IPCEF1: variants seen among roughly 807,000 people sequenced by gnomAD.
IPCEF1 encodes the protein interaction protein for cytohesin exchange factors 1.
Under a neutral mutation model 50.9 loss-of-function variants are expected in IPCEF1, and 31 were observed. That is an observed-to-expected ratio of 0.61 (90% CI 0.46 to 0.82). IPCEF1 has a LOEUF of 0.82. IPCEF1 is among the 40% of genes least tolerant of loss of function. The pLI, the probability that IPCEF1 is intolerant of heterozygous loss-of-function variation, is 0.00. For synonymous variants in IPCEF1, 181 were observed against 192.0 expected, an observed-to-expected ratio of 0.94 and a Z score of 0.47; for missense variants, 458 against 514.0, an observed-to-expected ratio of 0.89 and a Z score of 1.05.
chr6:154,161,171 A>T (rs989705997), intron 11 of IPCEF1, among the ~76,000 whole-genome samples: 6 of 150,452 alleles, frequency 4.0e-5, no homozygotes, highest in African/African-American at 1.5e-4. Context: ...TTTACACAGA[A>T]CACTTTCCAG....
chr6:154,239,029 CTGTGAG>C (rs1322442317), intron 5 of IPCEF1, among the ~76,000 whole-genome samples: 1 of 152,056 alleles, frequency 6.6e-6, no homozygotes, highest in East Asian at 1.9e-4. Context: ...CATTTCACTG[CTGTGAG>C]CTAAGAAGAC....
intron 3 of IPCEF1, among the ~76,000 whole-genome samples, chr6:154,253,529 T>A (rs972633066): frequency 4.6e-5 from 7 of 152,248 alleles, no homozygotes; most frequent in African/African-American, 1.7e-4. Flanking sequence ...TACCTATTGA[T>A]GCACATTGAA....
intron 1 of IPCEF1, among the ~76,000 whole-genome samples, chr6:154,347,300 C>A (rs1784049493): frequency 6.6e-6 from 1 of 152,192 alleles, no homozygotes; most frequent in Admixed American, 6.5e-5. Flanking sequence ...GGCTCAAATT[C>A]TGACCCCAGA....
chr6:154,314,319 C>G (rs1783159820), intron 1 of IPCEF1, among the ~76,000 whole-genome samples: 1 of 152,090 alleles, frequency 6.6e-6, no homozygotes, highest in South Asian at 2.1e-4. Context: ...CACTATGGCT[C>G]TGTGCCCAGT....
intron 11 of IPCEF1, among the ~76,000 whole-genome samples, chr6:154,164,976 G>C (rs1799311913): frequency 6.6e-6 from 1 of 152,112 alleles, no homozygotes; most frequent in Non-Finnish European, 1.5e-5. Flanking sequence ...TACTATCCCA[G>C]TGCAGGGATT....
chr6:154,298,079 A>G (rs754450365), intron 1 of IPCEF1, among the ~76,000 whole-genome samples: 36 of 152,238 alleles, frequency 2.4e-4, no homozygotes, highest in Non-Finnish European at 5.3e-4. Flanking sequence ...GGTCAGGAAC[A>G]CTTTTGAGGT....
At chr6:154,191,011 G>A (rs774627052) in intron 10 of IPCEF1, among the ~76,000 whole-genome samples, 18 of 152,000 alleles carry the variant, frequency 1.2e-4, no homozygotes, top group Non-Finnish European at 2.4e-4. Flanking sequence ...AGCCGAGATC[G>A]CGCCACTGCA....
In IPCEF1 at chr6:154,157,562, T is replaced by G. The variant is rs1407254331; in HGVS notation, c.*2266A>C. The stretch of plus-strand genomic sequence containing the variant: ...CAATGGTACTAAAGGAGTTTACAGT[T>G]GAAAGGCTGGGGAAATATGTCTTCA... On this transcript the variant is annotated 3_prime_UTR_variant, in exon 12 of 12. Coordinates refer to ENST00000367220, the MANE Select transcript of IPCEF1 (RefSeq NM_001130700.2). 6.6e-6 allele frequency: 1 copy of G among 152,190 alleles called. No homozygotes were observed. The highest frequency in any genetic ancestry group is 1.5e-5 in the Non-Finnish European group (1 of 68,034). The allele number at this position is 152,190 out of a possible 1,614,324, so 9.4% of individuals were successfully genotyped here. A position where few individuals can be genotyped will look rare whatever the true frequency, so the allele number is the denominator to read the frequency against.
At chr6:154,325,494 T>C (rs1783497221) in intron 1 of IPCEF1, among the ~76,000 whole-genome samples, 1 of 152,206 alleles carries the variant, frequency 6.6e-6, no homozygotes, top group Admixed American at 6.5e-5. Flanking sequence ...TGTATATCTG[T>C]ACTGTCTTTC....
chr6:154,323,546 C>T (rs79147171), intron 1 of IPCEF1, among the ~76,000 whole-genome samples: 1 of 113,892 alleles, frequency 8.8e-6, no homozygotes, highest in African/African-American at 3.7e-5. Flanking sequence ...GATATTTACA[C>T]ATAAATATTT....
At chr6:154,323,719 G>A (rs1321841516) in intron 1 of IPCEF1, among the ~76,000 whole-genome samples, 1 of 152,104 alleles carries the variant, frequency 6.6e-6, no homozygotes, top group East Asian at 1.9e-4. Context: ...TTGGGAGGCC[G>A]AGGTGGGCAG....
At chr6:154,352,194 C>T (rs577674608) in intron 1 of IPCEF1, among the ~76,000 whole-genome samples, 35 of 151,948 alleles carry the variant, frequency 2.3e-4, no homozygotes, top group African/African-American at 8.2e-4. Flanking sequence ...TAAATGTAAA[C>T]TAAAAGGTAA....
At chr6:154,351,069 G>T (rs1029882598) in intron 1 of IPCEF1, among the ~76,000 whole-genome samples, 51 of 152,304 alleles carry the variant, frequency 3.3e-4, no homozygotes, top group African/African-American at 1.2e-3. Context: ...ACTCAAGCGT[G>T]GAGAAGTTAA....
chr6:154,249,001 A>C (rs933565979), intron 3 of IPCEF1, among the ~76,000 whole-genome samples: 26 of 152,190 alleles, frequency 1.7e-4, no homozygotes, highest in Non-Finnish European at 1.6e-4. Flanking sequence ...TTTCCTGGGA[A>C]ATATAGATCC....
At chr6:154,292,523 T>A (rs1425698773) in intron 1 of IPCEF1, among the ~76,000 whole-genome samples, 1 of 152,202 alleles carries the variant, frequency 6.6e-6, no homozygotes, top group Non-Finnish European at 1.5e-5. Flanking sequence ...AACCAGCAAG[T>A]CTAGCTCAGT....
At position 154,247,468 on chromosome 6, in the gene IPCEF1, C is replaced by T. The variant is rs767834599; in HGVS notation, c.57G>A (p.Lys19=). 9 of 1,612,164 alleles carry T rather than the reference C, an allele frequency of 5.6e-6. No homozygotes were observed. Among genetic ancestry groups the T allele is most frequent in the Non-Finnish European group, 2.5e-6 (3 of 1,178,684 alleles). Residue 19 remains lysine (K), a synonymous_variant, in exon 4 of 12, where the codon AAG becomes AAA. Transcript: ENST00000367220. The stretch of plus-strand genomic sequence containing the variant: ...AATTACCTTGAGTTTTCCTCCTGGG[C>T]TTCTGACGCAAGGGAACCTGCTGAA... ...GSALQVPLRQ[K]PRRKTQGFLT...
At chr6:154,271,381 G>T (rs1198680893) in intron 2 of IPCEF1, among the ~76,000 whole-genome samples, 2 of 151,330 alleles carry the variant, frequency 1.3e-5, no homozygotes, top group Non-Finnish European at 2.9e-5. Context: ...TCATATAATA[G>T]GATAAAAATC....
intron 1 of IPCEF1, among the ~76,000 whole-genome samples, chr6:154,313,013 G>T (rs991916841): frequency 7.2e-6 from 1 of 139,174 alleles, no homozygotes; most frequent in Non-Finnish European, 1.5e-5. Context: ...GGAAGGGAAG[G>T]TTGCAGTGAG....
rs906597493 is a variant in IPCEF1 at position 154,246,068 on chromosome 6, A to G, written c.246+523T>C. 1.4e-4 allele frequency among the ~76,000 whole-genome samples: 21 copies of G among 152,296 alleles called. 3 individuals are homozygous for G. Among genetic ancestry groups the G allele is most frequent in the Admixed American group, 3.9e-4 (6 of 15,298 alleles). On this transcript the variant is annotated intron_variant, in intron 5 of 11. Coordinates refer to ENST00000367220, the MANE Select transcript of IPCEF1 (RefSeq NM_001130700.2). ...TGACAGTCGCCAATGCAAAGCTGGCATAGGGGTTAGCGATTCCAAACCAAC... is the reference window on the plus strand; with the variant it reads ...TGACAGTCGCCAATGCAAAGCTGGCGTAGGGGTTAGCGATTCCAAACCAAC...
Sources: gnomAD v4.1 joint callset for allele counts (sites outside exome capture counted in the v4.1 genomes callset) on GRCh38, gnomAD v4.1.1 for gene constraint, MANE v1.5 for transcripts, NCBI Gene and HGNC (gene_info 2026-07-23, HGNC 2026-07-21) for gene names.